Variants in ELAPOR1 observed in about 807,000 individuals in gnomAD.
ELAPOR1 encodes endosome/lysosome-associated apoptosis and autophagy regulator 1.
ELAPOR1 carries 77 observed loss-of-function variants against 119.7 expected under a neutral mutation model. That is an observed-to-expected ratio of 0.64 (90% CI 0.54 to 0.78). ELAPOR1 has a LOEUF of 0.78. Among genes scored for constraint, ELAPOR1 ranks in the 30% least tolerant of loss-of-function variants. The probability of loss-of-function intolerance (pLI) is 0.00; values close to 1 mark genes in which losing one functional copy is unlikely to be tolerated. For missense variants in ELAPOR1, 1,115 were observed against 1,270.4 expected (o/e 0.88, Z 1.86); for synonymous variants, 481 against 487.2 (o/e 0.99, Z 0.17).
chr1:109,127,698 G>C (rs1014279864), intron 1 of ELAPOR1, among the ~76,000 whole-genome samples: 1 of 151,968 alleles, frequency 6.6e-6, no homozygotes, highest in Admixed American at 6.6e-5. Flanking sequence ...CTGAGTAGCT[G>C]GAATTACAGG....
chr1:109,134,080 T>TC (rs1198625908), intron 1 of ELAPOR1, among the ~76,000 whole-genome samples: 1 of 152,198 alleles, frequency 6.6e-6, no homozygotes, highest in Non-Finnish European at 1.5e-5. Context: ...GTTAACACTT[T>TC]CAGTACTGTA....
At chr1:109,117,389 A>G (rs1241499793) in intron 1 of ELAPOR1, among the ~76,000 whole-genome samples, 1 of 152,226 alleles carries the variant, frequency 6.6e-6, no homozygotes, top group Non-Finnish European at 1.5e-5. Context: ...ACCAAAGAGG[A>G]GCAGAAAGCT....
chr1:109,170,754 GC>G (rs1232559337), intron 3 of ELAPOR1, among the ~76,000 whole-genome samples: 2 of 152,226 alleles, frequency 1.3e-5, no homozygotes, highest in Non-Finnish European at 2.9e-5. Context: ...CCGCTGGGCT[GC>G]AGCATGCAGA....
chr1:109,140,913 A>C (rs1442878288), intron 1 of ELAPOR1, among the ~76,000 whole-genome samples: 1 of 152,126 alleles, frequency 6.6e-6, no homozygotes, highest in East Asian at 1.9e-4. Flanking sequence ...GTGCAGTGCC[A>C]CGATCTCGGC....
intron 8 of ELAPOR1, chr1:109,187,769 T>A: frequency 1.3e-6 from 1 of 790,140 alleles, no homozygotes. Flanking sequence ...ACCCCCTCAG[T>A]CCCCGGGGGA....
Position 109,197,191 on chromosome 1 carries a change from G to A in ELAPOR1, c.2122-283G>A, listed in dbSNP as rs185633878. The stretch of plus-strand genomic sequence containing the variant: ...GGTTCCAGCTACTTAGGAGGCTGAG[G>A]CAGGAGGATCACTTGAGCCCAGGAG... On this transcript the variant is annotated intron_variant, in intron 15 of 21. Transcript: ENST00000369939. Among the ~76,000 whole-genome samples the A allele has an allele frequency of 9.4e-4, 143 of 151,958 alleles. 1 individual carries two copies. The highest frequency in any genetic ancestry group is 3.3e-3 in the African/African-American group (137 of 41,450).
chr1:109,201,987 C>T (rs933153140), intron 21 of ELAPOR1, among the ~76,000 whole-genome samples: 10 of 152,178 alleles, frequency 6.6e-5, no homozygotes, highest in Non-Finnish European at 1.3e-4. Flanking sequence ...GTAGTCTCAG[C>T]TACTTGGGAG....
At position 109,177,380 on chromosome 1, in the gene ELAPOR1, C is replaced by T. The variant is rs1377016322; in HGVS notation, c.952+3543C>T. Among the ~76,000 whole-genome samples the T allele has an allele frequency of 3.8e-4, 41 of 108,710 alleles. 8 individuals are homozygous for T. Among genetic ancestry groups the T allele is most frequent in the African/African-American group, 1.8e-3 (40 of 22,450 alleles). 71.3% of individuals were successfully genotyped at this position (108,710 alleles called of 152,430 possible). Reference sequence around the variant, plus strand: ...GCGGAGGGGCTCCTCACTTCTCAGACGGGGCGGCCGGGCAGAGACGCTCCT... The same window carrying T: ...GCGGAGGGGCTCCTCACTTCTCAGATGGGGCGGCCGGGCAGAGACGCTCCT... On this transcript the variant is annotated intron_variant, in intron 7 of 21. Transcript: ENST00000369939.
At chr1:109,154,556 G>A (rs1303073267) in intron 1 of ELAPOR1, among the ~76,000 whole-genome samples, 1 of 152,292 alleles carries the variant, frequency 6.6e-6, no homozygotes, top group African/African-American at 2.4e-5. Context: ...CGCAGCCTGG[G>A]GAGTGCCCAT....
intron 1 of ELAPOR1, among the ~76,000 whole-genome samples, chr1:109,130,471 G>A (rs1455981811): frequency 2.0e-5 from 3 of 150,716 alleles, no homozygotes; most frequent in African/African-American, 7.4e-5. Context: ...GGAAAGAATA[G>A]CATATCAATA....
intron 3 of ELAPOR1, among the ~76,000 whole-genome samples, chr1:109,165,548 C>T (rs1159088730): frequency 6.7e-6 from 1 of 149,572 alleles, no homozygotes; most frequent in East Asian, 2.0e-4. Context: ...CGCACCATTG[C>T]ACTCCAGCCT....
At chr1:109,126,722 T>C (rs1648807734) in intron 1 of ELAPOR1, among the ~76,000 whole-genome samples, 1 of 152,192 alleles carries the variant, frequency 6.6e-6, no homozygotes, top group African/African-American at 2.4e-5. Flanking sequence ...CCGCCTGCAT[T>C]GGCCTCCCAA....
intron 7 of ELAPOR1, among the ~76,000 whole-genome samples, chr1:109,180,300 C>T (rs957770483): frequency 1.3e-5 from 2 of 152,154 alleles, no homozygotes; most frequent in Non-Finnish European, 2.9e-5. Context: ...AGTAGCAGTG[C>T]CACCTTGGGC....
rs1558041123 is a variant in ELAPOR1, at chr1:109,161,962, T to C, written c.222T>C (p.His74=). The C allele has an allele frequency of 1.9e-6, 3 of 1,614,038 alleles. No individual in the cohort carries two copies. The highest frequency in any genetic ancestry group is 2.7e-5 in the African/African-American group (2 of 75,064). Residue 74 remains histidine (H), a synonymous_variant, in exon 2 of 22, where the codon CAT becomes CAC. Transcript: ENST00000369939. ...TGSRWRVAVP[H]TPGLCTSLPD... is the part of the protein sequence containing the mutation. ...CCAGGTGGAGGGTCGCCGTGCCGCA[T>C]ACCCCGGGCCTGTGCACCAGCCTGC...
intron 1 of ELAPOR1, among the ~76,000 whole-genome samples, chr1:109,132,427 TGGGCTACC>T (rs1374749509): frequency 1.3e-5 from 2 of 152,210 alleles, no homozygotes; most frequent in African/African-American, 4.8e-5. Flanking sequence ...ACTACAGCTG[TGGGCTACC>T]GCACCCAGCC....
At chr1:109,138,834 CAAAAA>C (rs150398954) in intron 1 of ELAPOR1, among the ~76,000 whole-genome samples, 1 of 107,340 alleles carries the variant, frequency 9.3e-6, no homozygotes, top group Non-Finnish European at 1.8e-5. Flanking sequence ...AACTCCATCT[CAAAAA>C]AAAAAAAAAA....
At position 109,194,427 on chromosome 1, in the gene ELAPOR1, T is replaced by G. The variant is rs1472368783; in HGVS notation, c.1954T>G (p.Ser652Ala). The G allele has an allele frequency of 3.1e-6, 5 of 1,613,522 alleles. No individual in the cohort carries two copies. Among genetic ancestry groups the G allele is most frequent in the African/African-American group, 2.7e-5 (2 of 75,002 alleles). The change falls in exon 15 of 22, where the codon TCT becomes GCT. Residue 652 changes from serine to alanine, a missense_variant. Physicochemically the swap from Ser to Ala is moderately conservative, Grantham distance 99. Coordinates refer to ENST00000369939, the MANE Select transcript of ELAPOR1 (RefSeq NM_020775.5). ...GPGTKNNKIHSLCYNDCTFSR... is the reference protein window; with the variant it reads ...GPGTKNNKIHALCYNDCTFSR... ...CCGTCCCTCTCCCCCTCAGATCCAC[T>G]CTCTGTGCTACAACGATTGCACCTT...
chr1:109,172,134 G>C, intron 4 of ELAPOR1, 121 bp downstream of exon 4: 2 of 1,279,858 alleles, frequency 1.6e-6, no homozygotes, highest in South Asian at 1.3e-5. Flanking sequence ...TTTCTCTCTG[G>C]AGAGAGCTGT....
chr1:109,179,524 GCA>G (rs1652570212), intron 7 of ELAPOR1, among the ~76,000 whole-genome samples: 2 of 152,098 alleles, frequency 1.3e-5, no homozygotes, highest in Non-Finnish European at 2.9e-5. Flanking sequence ...AGGCTGAGAA[GCA>G]GGCCGGAAAC....
Sources: allele counts gnomAD v4.1 joint callset (sites outside exome capture counted in the v4.1 genomes callset), GRCh38; gene constraint gnomAD v4.1.1; transcripts MANE v1.5; gene names NCBI Gene and HGNC (gene_info 2026-07-23, HGNC 2026-07-21).